Variants in CACNA1E observed in about 807,000 individuals in gnomAD.
The protein encoded by CACNA1E is voltage-dependent R-type calcium channel subunit alpha-1E.
Under a neutral mutation model 259.2 loss-of-function variants are expected in CACNA1E, and 40 were observed. The observed-to-expected ratio is 0.15, with a 90% confidence interval of 0.12 to 0.20. The LOEUF (loss-of-function observed/expected upper bound fraction) is 0.20. Among genes scored for constraint, CACNA1E ranks in the 10% least tolerant of loss-of-function variants. CACNA1E has a pLI of 1.00. For missense variants in CACNA1E, 1,874 were observed against 3,040.1 expected (o/e 0.62, Z 9.02); for synonymous variants, 1,104 against 1,138.5 (o/e 0.97, Z 0.61).
At chr1:181,792,327 AT>A (rs2102879253) in intron 44 of CACNA1E, among the ~76,000 whole-genome samples, 1 of 152,294 alleles carries the variant, frequency 6.6e-6, no homozygotes, top group East Asian at 1.9e-4. Context: ...CTGTAATTCA[AT>A]TTAGGTGTCA....
chr1:181,388,509 C>G (rs1656021054), intron 1 of CACNA1E, among the ~76,000 whole-genome samples: 1 of 152,174 alleles, frequency 6.6e-6, no homozygotes, highest in Non-Finnish European at 1.5e-5. Context: ...TGTTACTGCA[C>G]TGAATACTGT....
chr1:181,476,462 AG>A (rs35588826), intron 2 of CACNA1E, among the ~76,000 whole-genome samples: 2 of 152,140 alleles, frequency 1.3e-5, no homozygotes, highest in South Asian at 4.1e-4. Context: ...CTGGGCCTTC[AG>A]GGCCCCTTTA....
In CACNA1E at chr1:181,594,688, G is replaced by A. The variant is rs968601200; in HGVS notation, c.951+13912G>A. On this transcript the variant is annotated intron_variant, in intron 6 of 47. Transcript: ENST00000367573. The stretch of plus-strand genomic sequence containing the variant: ...GCTGGGATTACAGACATGAGCCACC[G>A]CACCTGGCTGCAAGTTTTGTTTCTT... Among the ~76,000 whole-genome samples, 12 of 152,158 alleles carry A rather than the reference G, an allele frequency of 7.9e-5. 1 individual carries two copies. Among genetic ancestry groups the A allele is most frequent in the African/African-American group, 2.2e-4 (9 of 41,430 alleles).
chr1:181,492,436 A>G (rs1664397462), intron 1 of CACNA1E, among the ~76,000 whole-genome samples: 1 of 152,250 alleles, frequency 6.6e-6, no homozygotes, highest in East Asian at 1.9e-4. Context: ...CAGCTGTACC[A>G]GATGACAGAG....
intron 6 of CACNA1E, among the ~76,000 whole-genome samples, chr1:181,638,853 C>A (rs1158765567): frequency 6.6e-6 from 1 of 152,134 alleles, no homozygotes; most frequent in Non-Finnish European, 1.5e-5. Flanking sequence ...GCCTTGCTTC[C>A]CCTTCTACCA....
intron 30 of CACNA1E, 149 bp downstream of exon 30, chr1:181,757,275 A>G: frequency 1.6e-6 from 1 of 637,562 alleles, no homozygotes; most frequent in East Asian, 2.7e-5. Flanking sequence ...GCCATTAAAT[A>G]AGCATTTTCC....
At chr1:181,668,312 G>A (rs1648450989) in intron 7 of CACNA1E, among the ~76,000 whole-genome samples, 1 of 152,208 alleles carries the variant, frequency 6.6e-6, no homozygotes, top group Non-Finnish European at 1.5e-5. Context: ...GGTTTTCCAT[G>A]TATCAGTTGT....
chr1:181,588,543 C>G (rs1314979363), intron 6 of CACNA1E, among the ~76,000 whole-genome samples: 1 of 152,186 alleles, frequency 6.6e-6, no homozygotes. Context: ...GCATTTCTGT[C>G]TTGGTTTGTC....
At chr1:181,651,483 G>C in intron 7 of CACNA1E, 42 bp downstream of exon 7, 1 of 1,395,286 alleles carries the variant, frequency 7.2e-7, no homozygotes, top group East Asian at 2.3e-5. Flanking sequence ...TTTGCTGACT[G>C]CTAACTGTAA....
At chr1:181,433,058 T>C (rs1385799788) in intron 2 of CACNA1E, among the ~76,000 whole-genome samples, 1 of 152,214 alleles carries the variant, frequency 6.6e-6, no homozygotes, top group Non-Finnish European at 1.5e-5. Flanking sequence ...TGTCAGGCGC[T>C]CAGCAGCTGC....
intron 3 of CACNA1E, among the ~76,000 whole-genome samples, chr1:181,554,193 T>C (rs1648485966): frequency 6.6e-6 from 1 of 152,038 alleles, no homozygotes; most frequent in African/African-American, 2.4e-5. Flanking sequence ...TTTTATTTCT[T>C]GTATAGATGA....
At chr1:181,327,860 G>A (rs1219318120) in intron 1 of CACNA1E, among the ~76,000 whole-genome samples, 1 of 152,232 alleles carries the variant, frequency 6.6e-6, no homozygotes, top group African/African-American at 2.4e-5. Context: ...TCACAATTCT[G>A]TGGGTTGGCT....
intron 2 of CACNA1E, among the ~76,000 whole-genome samples, chr1:181,416,496 G>C (rs545489002): frequency 1.9e-4 from 29 of 152,110 alleles, no homozygotes; most frequent in African/African-American, 7.0e-4. Context: ...TAACTCTTTG[G>C]GGCACGGTTT....
chr1:181,755,929 T>A, intron 28 of CACNA1E, 27 bp from the exon 29 acceptor site: 1 of 1,607,928 alleles, frequency 6.2e-7, no homozygotes, highest in Non-Finnish European at 8.5e-7. Flanking sequence ...GTGAGGAGGC[T>A]CTCTTTCATT....
At chr1:181,615,204 T>C (rs1341694402) in intron 6 of CACNA1E, among the ~76,000 whole-genome samples, 1 of 152,204 alleles carries the variant, frequency 6.6e-6, no homozygotes, top group African/African-American at 2.4e-5. Flanking sequence ...TTTATTCTAT[T>C]TTTTGAGATG....
intron 2 of CACNA1E, among the ~76,000 whole-genome samples, chr1:181,442,346 G>C (rs1299520537): frequency 1.4e-5 from 2 of 145,930 alleles, no homozygotes; most frequent in Non-Finnish European, 3.0e-5. Flanking sequence ...ATGAGGGACA[G>C]GTGTGAGGGA....
intron 1 of CACNA1E, among the ~76,000 whole-genome samples, chr1:181,372,828 A>ATTT (rs1205982576): frequency 2.8e-4 from 28 of 101,636 alleles, no homozygotes; most frequent in African/African-American, 7.2e-4. Context: ...ATATATATAT[A>ATTT]TTTTTTTTTT....
intron 3 of CACNA1E, among the ~76,000 whole-genome samples, chr1:181,560,994 A>G (rs1433056380): frequency 1.3e-5 from 2 of 152,200 alleles, no homozygotes; most frequent in African/African-American, 2.4e-5. Context: ...GCACAAAAGG[A>G]CAAATACTAT....
chr1:181,660,246 A>G (rs999215814), intron 7 of CACNA1E, among the ~76,000 whole-genome samples: 15 of 152,120 alleles, frequency 9.9e-5, no homozygotes, highest in African/African-American at 3.1e-4. Context: ...CTTGCTAGCA[A>G]CTCATGTGCA....
Sources: gnomAD v4.1 joint callset for allele counts (sites outside exome capture counted in the v4.1 genomes callset) on GRCh38, gnomAD v4.1.1 for gene constraint, MANE v1.5 for transcripts, NCBI Gene and HGNC (gene_info 2026-07-23, HGNC 2026-07-21) for gene names.